Variants in PRXL2B observed in about 807,000 individuals in gnomAD.
The protein encoded by PRXL2B is prostamide/prostaglandin F synthase.
In PRXL2B, 26 loss-of-function variants were observed where a neutral mutation model predicts 24.4. The ratio of observed to expected loss-of-function variants is 1.07; its 90% confidence interval spans 0.78 to 1.48. PRXL2B has a LOEUF of 1.48. PRXL2B is among the 40% of genes most tolerant of loss of function. The probability of loss-of-function intolerance (pLI) is 0.00; values close to 1 mark genes in which losing one functional copy is unlikely to be tolerated. For synonymous variants in PRXL2B, 115 were observed against 118.9 expected (o/e 0.97, Z 0.21); for missense variants, 269 against 264.8 (o/e 1.02, Z -0.11).
In PRXL2B at chr1:2,587,266, A is replaced by G. The variant is rs757231520; in HGVS notation, c.239A>G (p.Glu80Gly). The G allele has an allele frequency of 8.9e-6, 14 of 1,576,400 alleles. No individual in the cohort carries two copies. The highest frequency in any genetic ancestry group is 1.2e-5 in the Non-Finnish European group (14 of 1,167,354). Reference sequence around the variant, plus strand: ...GGGCCCGAGGCCCTGGGTCTGCAGGAGTTCCTGGACGGCGACTACTTCGCG... The same window carrying G: ...GGGCCCGAGGCCCTGGGTCTGCAGGGGTTCCTGGACGGCGACTACTTCGCG... ...GVGPEALGLQEFLDGDYFAGE... is the reference protein window; with the variant it reads ...GVGPEALGLQGFLDGDYFAGE... Residue 80 changes from glutamate to glycine, a missense_variant, in exon 2 of 7, where the codon GAG becomes GGG. Transcript: ENST00000419916. This position sits in a 1 kb window ranked among gnomAD's most constrained non-coding sequence, Gnocchi z 6.1.
At chr1:2,588,798 T>G (rs985195827) in intron 5 of PRXL2B, 124 bp from the exon 6 acceptor site, 4 of 1,192,502 alleles carry the variant, frequency 3.4e-6, no homozygotes, top group Non-Finnish European at 4.9e-6. Context: ...AACAGCTCAC[T>G]CATCTGGGTA....
At chr1:2,586,654 G>A, upstream of PRXL2B, 2 of 1,045,544 alleles carry the variant, frequency 1.9e-6, no homozygotes, top group Non-Finnish European at 2.4e-6. Flanking sequence ...GGCTCGGGGT[G>A]CGGTCGGGGG....
chr1:2,586,972 G>A lies in PRXL2B; in HGVS notation c.63+24G>A, dbSNP rs192134357. The A allele has an allele frequency of 1.9e-3, 2,444 of 1,317,446 alleles. 44 individuals are homozygous for A. In the African/African-American group the frequency reaches 0.034, roughly 18 times the overall value. The allele number at this position is 1,317,446 out of a possible 1,614,324, so 81.6% of individuals were successfully genotyped here. On this transcript the variant is annotated intron_variant, in intron 1 of 6. Coordinates refer to ENST00000419916, the MANE Select transcript of PRXL2B (RefSeq NM_152371.5). ...AGGTGAGGCCGGGTGGACGCAGGGC[G>A]GTGGGCGCGTCCCTGGCTCCTTGCC...
At chr1:2,588,087 C>T (rs1644571841) in intron 3 of PRXL2B, among the ~76,000 whole-genome samples, 1 of 152,220 alleles carries the variant, frequency 6.6e-6, no homozygotes, top group South Asian at 2.1e-4. Flanking sequence ...GTCTGTGCCA[C>T]AGGCTGCTTC....
In PRXL2B at chr1:2,591,424, C is replaced by A. The variant is rs1352136707; in HGVS notation, c.*1997C>A. ...TCCCTGACCGAAATCGGCCAGAAGC[C>A]CCTCTCAGGTTTATTCCCAAAATAA... On this transcript the variant is annotated 3_prime_UTR_variant, in exon 7 of 7. Transcript: ENST00000419916. The A allele has an allele frequency of 1.3e-6, 1 of 749,202 alleles. No individual in the cohort carries two copies. The highest frequency in any genetic ancestry group is 2.3e-6 in the Non-Finnish European group (1 of 433,666). 46.4% of individuals were successfully genotyped at this position (749,202 alleles called of 1,614,324 possible).
At position 2,587,286 on chromosome 1, in the gene PRXL2B, T is replaced by C; in HGVS notation, c.259T>C (p.Phe87Leu). Residue 87 changes from phenylalanine to leucine, a missense_variant, in exon 2 of 7, where the codon TTC (phenylalanine) becomes CTC (leucine). Transcript: ENST00000419916. This position sits in a 1 kb window ranked among gnomAD's most constrained non-coding sequence, Gnocchi z 6.1. ...GLQEFLDGDY[F>L]AGELYLDESK... ...GCAGGAGTTCCTGGACGGCGACTAC[T>C]TCGCGGGAGGTGCGTCCTGTTCCCC... The C allele has an allele frequency of 6.4e-7, 1 of 1,567,544 alleles. No individual in the cohort carries two copies. Among genetic ancestry groups the C allele is most frequent in the South Asian group, 1.2e-5 (1 of 86,586 alleles).
At position 2,591,460 on chromosome 1, in the gene PRXL2B, G is replaced by A. The variant is rs1644704453; in HGVS notation, c.*2033G>A. On this transcript the variant is annotated 3_prime_UTR_variant, in exon 7 of 7. Coordinates refer to ENST00000419916, the MANE Select transcript of PRXL2B (RefSeq NM_152371.5). ...TTATTCCCAAAATAAACCTGTCTCT[G>A]TTGAGCCACTTTTTGTGCTTTCTTC... is the stretch of plus-strand genomic sequence containing the variant. 4 of 1,024,992 alleles carry A rather than the reference G, an allele frequency of 3.9e-6. No individual in the cohort carries two copies. The Admixed American group carries it at 7.0e-5, about 18-fold the overall frequency. The allele number at this position is 1,024,992 out of a possible 1,614,324, so 63.5% of individuals were successfully genotyped here.
In PRXL2B at chr1:2,589,457, C is replaced by T. The variant is rs1199137502; in HGVS notation, c.*30C>T. On this transcript the variant is annotated 3_prime_UTR_variant, in exon 7 of 7. Coordinates refer to ENST00000419916, the MANE Select transcript of PRXL2B (RefSeq NM_152371.5). Reference sequence around the variant, plus strand: ...GGCGAAGGCCCTGGCCTCCGAGGATCTGGGTGGCGTCTGCTGCCCTAGGTG... The same window carrying T: ...GGCGAAGGCCCTGGCCTCCGAGGATTTGGGTGGCGTCTGCTGCCCTAGGTG... The T allele has an allele frequency of 2.5e-6, 4 of 1,613,680 alleles. No individual in the cohort carries two copies. In the Admixed American group the frequency reaches 5.0e-5, roughly 20 times the overall value.
In PRXL2B at chr1:2,591,124, C is replaced by T; in HGVS notation, c.*1697C>T. ...GGTGGGTGTGACAGCAGGAGCATTG[C>T]CATCTTGGACAAACATGGCCATTTT... On this transcript the variant is annotated 3_prime_UTR_variant, in exon 7 of 7. Transcript: ENST00000419916. 6.9e-7 allele frequency: 1 copy of T among 1,443,532 alleles called. No homozygotes were observed. Among genetic ancestry groups the T allele is most frequent in the Non-Finnish European group, 9.3e-7 (1 of 1,070,972 alleles). The allele number at this position is 1,443,532 out of a possible 1,614,324, so 89.4% of individuals were successfully genotyped here. A position where few individuals can be genotyped will look rare whatever the true frequency, so the allele number is the denominator to read the frequency against.
At chr1:2,588,068 C>T (rs1049776138) in intron 3 of PRXL2B, among the ~76,000 whole-genome samples, 1 of 152,186 alleles carries the variant, frequency 6.6e-6, no homozygotes, top group African/African-American at 2.4e-5. Context: ...GCCATCCTAG[C>T]TTTCTGGTGT....
chr1:2,588,356 C>T (rs768167058), intron 3 of PRXL2B, 34 bp from the exon 4 acceptor site: 41 of 1,613,924 alleles, frequency 2.5e-5, no homozygotes, highest in Non-Finnish European at 2.9e-5. Context: ...CAGGCTTCTC[C>T]GGAGTTTGGC....
At position 2,590,913 on chromosome 1, in the gene PRXL2B, C is replaced by A; in HGVS notation, c.*1486C>A. 8.6e-7 allele frequency: 1 copy of A among 1,160,452 alleles called. No homozygotes were observed. The highest frequency in any genetic ancestry group is 1.1e-6 in the Non-Finnish European group (1 of 883,344). 71.9% of individuals were successfully genotyped at this position (1,160,452 alleles called of 1,614,324 possible). On this transcript the variant is annotated 3_prime_UTR_variant, in exon 7 of 7. Transcript: ENST00000419916. The stretch of plus-strand genomic sequence containing the variant: ...GGCCGGGGCGGGACGTACACTGGGT[C>A]GCCGCTAGCTGCACCTTCGCACAGA...
Position 2,590,912 on chromosome 1 carries a change from T to A in PRXL2B, c.*1485T>A. ...TGGCCGGGGCGGGACGTACACTGGG[T>A]CGCCGCTAGCTGCACCTTCGCACAG... On this transcript the variant is annotated 3_prime_UTR_variant, in exon 7 of 7. Transcript: ENST00000419916. 1.7e-6 allele frequency: 2 copies of A among 1,155,838 alleles called. No homozygotes were observed. The highest frequency in any genetic ancestry group is 4.5e-5 in the South Asian group (2 of 44,314). The allele number at this position is 1,155,838 out of a possible 1,614,324, so 71.6% of individuals were successfully genotyped here. A position where few individuals can be genotyped will look rare whatever the true frequency, so the allele number is the denominator to read the frequency against.
rs762581366 is a variant in PRXL2B, at chr1:2,588,353, C to T, written c.321-37C>T. 5.0e-6 allele frequency: 8 copies of T among 1,613,930 alleles called. No homozygotes were observed. The Admixed American group carries it at 1.0e-4, about 20-fold the overall frequency. On this transcript the variant is annotated intron_variant, in intron 3 of 6. Transcript: ENST00000419916. ...TGGAGCAGGCTCTGGACCCAGGCTT[C>T]TCCGGAGTTTGGCCAAGCGACCTGG...
In PRXL2B at chr1:2,587,169, C is replaced by T. The variant is rs745931744; in HGVS notation, c.142C>T (p.Arg48Cys). 1 of 1,554,814 alleles carries T rather than the reference C, an allele frequency of 6.4e-7. No individual in the cohort carries two copies. The highest frequency in any genetic ancestry group is 1.4e-5 in the African/African-American group (1 of 73,886). The stretch of plus-strand genomic sequence containing the variant: ...GCGGCGCTTCGGGTGCGTGGTGTGC[C>T]GCTGGATCGCCCAGGACCTCAGCAG... ...GLRRFGCVVC[R>C]WIAQDLSSLA... Residue 48 changes from arginine (R) to cysteine (C), a missense_variant, in exon 2 of 7, where the codon CGC becomes TGC. Coordinates refer to ENST00000419916, the MANE Select transcript of PRXL2B (RefSeq NM_152371.5). This position sits in a 1 kb window ranked among gnomAD's most constrained non-coding sequence, Gnocchi z 6.1.
At position 2,591,352 on chromosome 1, in the gene PRXL2B, G is replaced by C; in HGVS notation, c.*1925G>C. On this transcript the variant is annotated 3_prime_UTR_variant, in exon 7 of 7. Transcript: ENST00000419916. ...CAGAAACATTCGCAGCCTGCGGTAG[G>C]CTCCCCCTTCCTAAACCCTTAAATG... is the stretch of plus-strand genomic sequence containing the variant. The C allele has an allele frequency of 1.7e-6, 1 of 601,838 alleles. No homozygotes were observed. The highest frequency in any genetic ancestry group is 2.0e-5 in the South Asian group (1 of 49,830). 37.3% of individuals were successfully genotyped at this position (601,838 alleles called of 1,614,324 possible).
In PRXL2B at chr1:2,587,634, T is replaced by C. The variant is rs192960188; in HGVS notation, c.269-107T>C. The C allele has an allele frequency of 2.1e-3, 2,762 of 1,320,134 alleles. 34 individuals carry two copies. The highest frequency in any genetic ancestry group is 9.9e-3 in the South Asian group (785 of 79,132). 81.8% of individuals were successfully genotyped at this position (1,320,134 alleles called of 1,614,324 possible). ...GCGGGGGTGGGCTGAGCACGGAGGG[T>C]GGGCAGAGGAACAGAGGGTCGGAAG... is the stretch of plus-strand genomic sequence containing the variant. On this transcript the variant is annotated intron_variant, in intron 2 of 6. Transcript: ENST00000419916. This position sits in a 1 kb window ranked among gnomAD's most constrained non-coding sequence, Gnocchi z 6.1.
upstream of PRXL2B, chr1:2,586,742 G>A (rs1644523454): frequency 3.2e-6 from 4 of 1,239,406 alleles, no homozygotes; most frequent in East Asian, 1.3e-4. Flanking sequence ...GGCCTCGGCG[G>A]CAGCAAGAAA....
rs776109580 is a variant in PRXL2B, at chr1:2,589,450, C to T, written c.*23C>T. 8.7e-6 allele frequency: 14 copies of T among 1,613,710 alleles called. No individual in the cohort carries two copies. Among genetic ancestry groups the T allele is most frequent in the East Asian group, 4.5e-5 (2 of 44,874 alleles). On this transcript the variant is annotated 3_prime_UTR_variant, in exon 7 of 7. Coordinates refer to ENST00000419916, the MANE Select transcript of PRXL2B (RefSeq NM_152371.5). ...TGAGGGAGGCGAAGGCCCTGGCCTCCGAGGATCTGGGTGGCGTCTGCTGCC... is the reference window on the plus strand; with the variant it reads ...TGAGGGAGGCGAAGGCCCTGGCCTCTGAGGATCTGGGTGGCGTCTGCTGCC...
Sources: gnomAD v4.1 joint callset for allele counts (sites outside exome capture counted in the v4.1 genomes callset) on GRCh38, gnomAD v4.1.1 for gene constraint, Gnocchi (gnomAD v3.1) non-coding constraint, MANE v1.5 for transcripts, NCBI Gene and HGNC (gene_info 2026-07-23, HGNC 2026-07-21) for gene names.